The following FBXO22 variants were observed in gnomAD, a reference collection of about 807,000 sequenced individuals.
The protein encoded by FBXO22 is F-box only protein 22.
In FBXO22, 13 loss-of-function variants were observed where a neutral mutation model predicts 37.2. The ratio of observed to expected loss-of-function variants is 0.35; its 90% CI spans 0.23 to 0.56. FBXO22 has a LOEUF of 0.56. FBXO22 is among the 20% of genes least tolerant of loss of function. FBXO22 has a pLI of 0.87. For synonymous variants in FBXO22, 189 were observed against 189.1 expected (o/e 1.00, Z 0.00); for missense variants, 446 against 509.9 (o/e 0.87, Z 1.21).
In FBXO22 at chr15:75,933,107, T is replaced by G; in HGVS notation, c.*5T>G. ...CATCTGGGGTCATCTAAATAATAATTAAAGTGGCTTTCATAATATGTAACT... is the reference window on the plus strand; with the variant it reads ...CATCTGGGGTCATCTAAATAATAATGAAAGTGGCTTTCATAATATGTAACT... On this transcript the variant is annotated 3_prime_UTR_variant, in exon 7 of 7. Coordinates refer to ENST00000308275, the MANE Select transcript of FBXO22 (RefSeq NM_147188.3). 1.3e-6 allele frequency: 2 copies of G among 1,582,304 alleles called. No individual in the cohort carries two copies. The highest frequency in any genetic ancestry group is 1.7e-6 in the Non-Finnish European group (2 of 1,166,008).
Position 75,940,084 on chromosome 15 carries a change from T to C in FBXO22, c.*6982T>C, listed in dbSNP as rs2030780879. 1 of 149,502 alleles carries C rather than the reference T, an allele frequency of 6.7e-6. No homozygotes were observed. The highest frequency in any genetic ancestry group is 2.5e-5 in the African/African-American group (1 of 40,616). The allele number at this position is 149,502 out of a possible 1,614,324, so 9.3% of individuals were successfully genotyped here. ...TCCTATATGTTCACAAATGATATGA[T>C]CTTTAGACAACCCGAAAGATTCCAC... On this transcript the variant is annotated 3_prime_UTR_variant, in exon 7 of 7. Coordinates refer to ENST00000308275, the MANE Select transcript of FBXO22 (RefSeq NM_147188.3).
chr15:75,930,381 G>A (rs542783871), intron 6 of FBXO22: 2 of 1,188,440 alleles, frequency 1.7e-6, no homozygotes, highest in Non-Finnish European at 2.1e-6. Context: ...CTCCTTTAAA[G>A]GAAACACATG....
rs767361655 is a variant in FBXO22 at position 75,932,939 on chromosome 15, C to G, written c.1049C>G (p.Pro350Arg). The change falls in exon 7 of 7, where the codon CCT (proline) becomes CGT (arginine). Residue 350 changes from proline (P) to arginine (R), a missense_variant. Transcript: ENST00000308275. ...VEADAFRKFFPSVPLFGFFGN... is the reference protein window; with the variant it reads ...VEADAFRKFFRSVPLFGFFGN... ...GCTGATGCATTTAGAAAGTTTTTTCCTAGTGTTCCCTTATTCGGCTTCTTT... is the reference window on the plus strand; with the variant it reads ...GCTGATGCATTTAGAAAGTTTTTTCGTAGTGTTCCCTTATTCGGCTTCTTT... The G allele has an allele frequency of 2.5e-6, 4 of 1,614,206 alleles. No individual in the cohort carries two copies. In the East Asian group the frequency reaches 6.7e-5, roughly 27 times the overall value.
At chr15:75,929,212 A>G (rs138588233) in intron 5 of FBXO22, among the ~76,000 whole-genome samples, 1 of 151,710 alleles carries the variant, frequency 6.6e-6, no homozygotes, top group Non-Finnish European at 1.5e-5. Context: ...TACATCTTTC[A>G]TTATGAGGAC....
intron 4 of FBXO22, among the ~76,000 whole-genome samples, chr15:75,915,857 G>A (rs535545217): frequency 7.4e-5 from 11 of 149,632 alleles, no homozygotes; most frequent in Non-Finnish European, 1.5e-4. Flanking sequence ...CCGAGATCAC[G>A]CCATTGCACT....
In FBXO22 at chr15:75,942,348, AAAAGT is replaced by A. The variant is rs928845236; in HGVS notation, c.*9255_*9259del. 2.6e-5 allele frequency: 4 copies of A among 152,184 alleles called. No individual in the cohort carries two copies. The highest frequency in any genetic ancestry group is 4.8e-5 in the African/African-American group (2 of 41,428). The allele number at this position is 152,184 out of a possible 1,614,324, so 9.4% of individuals were successfully genotyped here. ...GATGACAGAGTGAGACTTTGTCTCA[AAAAGT>A]AAAGTAAAAATGTGTCAATATTGGT... On this transcript the variant is annotated 3_prime_UTR_variant, in exon 7 of 7. Transcript: ENST00000308275.
intron 4 of FBXO22, among the ~76,000 whole-genome samples, chr15:75,916,602 A>G (rs1411739169): frequency 1.3e-5 from 2 of 152,210 alleles, no homozygotes; most frequent in East Asian, 3.8e-4. Flanking sequence ...TGGGGTAGGC[A>G]GTAGGGAGGG....
At chr15:75,920,983 C>T (rs1191357518) in intron 5 of FBXO22, among the ~76,000 whole-genome samples, 1 of 152,110 alleles carries the variant, frequency 6.6e-6, no homozygotes, top group Non-Finnish European at 1.5e-5. Flanking sequence ...CATCTTTAGG[C>T]AATGTTGTTG....
At chr15:75,911,918 A>T (rs947204242) in intron 2 of FBXO22, among the ~76,000 whole-genome samples, 6 of 148,750 alleles carry the variant, frequency 4.0e-5, no homozygotes. Flanking sequence ...AATAGCTCTT[A>T]TTATTTTGAG....
intron 5 of FBXO22, among the ~76,000 whole-genome samples, chr15:75,924,232 C>G (rs1014258435): frequency 6.6e-6 from 1 of 151,922 alleles, no homozygotes; most frequent in Non-Finnish European, 1.5e-5. Context: ...GGAGGAGGGC[C>G]GGGGAGGAGG....
At position 75,933,256 on chromosome 15, in the gene FBXO22, T is replaced by TAATA. The variant is rs747375115; in HGVS notation, c.*155_*158dup. Reference sequence around the variant, plus strand: ...TCTAAGATCACATGAGGGTAGTATTTAATATATTAGATGAAGGACAACTTT... The same window carrying TAATA: ...TCTAAGATCACATGAGGGTAGTATTTAATAAATATATTAGATGAAGGACAACTTT... On this transcript the variant is annotated 3_prime_UTR_variant, in exon 7 of 7. Coordinates refer to ENST00000308275, the MANE Select transcript of FBXO22 (RefSeq NM_147188.3). 5.0e-4 allele frequency: 332 copies of TAATA among 658,234 alleles called. 1 individual carries two copies. The highest frequency in any genetic ancestry group is 7.5e-4 in the Non-Finnish European group (297 of 397,398). The allele number at this position is 658,234 out of a possible 1,614,324, so 40.8% of individuals were successfully genotyped here.
intron 2 of FBXO22, chr15:75,910,281 C>T (rs575772563): frequency 3.3e-5 from 5 of 152,252 alleles, no homozygotes; most frequent in African/African-American, 1.2e-4. Context: ...GGGTATATAC[C>T]CAGTAATGGG....
intron 5 of FBXO22, among the ~76,000 whole-genome samples, chr15:75,918,448 A>G (rs1900240212): frequency 6.6e-6 from 1 of 152,170 alleles, no homozygotes. Context: ...GTCAAAGTAG[A>G]TGGTGGAAAG....
At chr15:75,925,640 C>T (rs1175595290) in intron 5 of FBXO22, among the ~76,000 whole-genome samples, 2 of 150,358 alleles carry the variant, frequency 1.3e-5, no homozygotes, top group Non-Finnish European at 2.9e-5. Context: ...AGTTGCCCAG[C>T]CCTTGAGAAA....
At chr15:75,926,687 G>A (rs1046113591) in intron 5 of FBXO22, among the ~76,000 whole-genome samples, 1 of 152,200 alleles carries the variant, frequency 6.6e-6, no homozygotes, top group African/African-American at 2.4e-5. Context: ...GAGTGGCTGT[G>A]TACTCTGAAG....
chr15:75,936,765 G>C lies in FBXO22; in HGVS notation c.*3663G>C, dbSNP rs960011216. 2 of 151,662 alleles carry C rather than the reference G, an allele frequency of 1.3e-5. No individual in the cohort carries two copies. Among genetic ancestry groups the C allele is most frequent in the Non-Finnish European group, 2.9e-5 (2 of 68,000 alleles). The allele number at this position is 151,662 out of a possible 1,614,324, so 9.4% of individuals were successfully genotyped here. A position where few individuals can be genotyped will look rare whatever the true frequency, so the allele number is the denominator to read the frequency against. ...AATTTTGTATTTTTAGTAGAGATGG[G>C]GTTTCTCTGTGTTGGTCAGGCTGGC... On this transcript the variant is annotated 3_prime_UTR_variant, in exon 7 of 7. Transcript: ENST00000308275.
rs1197983742 is a variant in FBXO22 at position 75,917,212 on chromosome 15, G to A, written c.464-18G>A. 2 of 1,595,428 alleles carry A rather than the reference G, an allele frequency of 1.3e-6. No homozygotes were observed. The highest frequency in any genetic ancestry group is 2.3e-5 in the South Asian group (2 of 88,218). ...TTTTACTGACTCTATTGGTGAAACT[G>A]TTTAACTTTTTCTCTAGTGACTCCA... On this transcript the variant is annotated intron_variant, in intron 4 of 6. Coordinates refer to ENST00000308275, the MANE Select transcript of FBXO22 (RefSeq NM_147188.3).
chr15:75,925,327 G>C (rs982583462), intron 5 of FBXO22, among the ~76,000 whole-genome samples: 1 of 152,138 alleles, frequency 6.6e-6, no homozygotes, highest in African/African-American at 2.4e-5. Context: ...TTAGAACGGT[G>C]CTCTGTACTA....
At chr15:75,909,208 GA>G (rs1899994241) in intron 2 of FBXO22, among the ~76,000 whole-genome samples, 1 of 152,198 alleles carries the variant, frequency 6.6e-6, no homozygotes, top group Admixed American at 6.5e-5. Context: ...GGAGATAGGG[GA>G]CAAATAAGAT....
Sources: gnomAD v4.1 joint callset for allele counts (sites outside exome capture counted in the v4.1 genomes callset) on GRCh38, gnomAD v4.1.1 for gene constraint, MANE v1.5 for transcripts, NCBI Gene and HGNC (gene_info 2026-07-23, HGNC 2026-07-21) for gene names.